The following PHACTR3 variants were observed in gnomAD, a reference collection of about 807,000 sequenced individuals.
PHACTR3 encodes protein phosphatase 1, regulatory subunit 123.
A neutral mutation model predicts 66.8 loss-of-function variants in PHACTR3; 16 were observed. The observed-to-expected ratio is 0.24, with a 90% CI of 0.16 to 0.36. PHACTR3 has a LOEUF of 0.36. Among genes scored for constraint, PHACTR3 ranks in the 10% least tolerant of loss-of-function variants. The probability of loss-of-function intolerance (pLI) is 1.00; values close to 1 mark genes in which losing one functional copy is unlikely to be tolerated. For synonymous variants in PHACTR3, 323 were observed against 292.1 expected, an observed-to-expected ratio of 1.11 and a Z score of -1.08; for missense variants, 647 against 719.9, an observed-to-expected ratio of 0.90 and a Z score of 1.16.
chr20:59,669,991 C>G (rs1481343204), intron 1 of PHACTR3, among the ~76,000 whole-genome samples: 1 of 152,210 alleles, frequency 6.6e-6, no homozygotes, highest in African/African-American at 2.4e-5. Context: ...ATTCATCTCT[C>G]TATGTGCCCA....
chr20:59,617,963 T>C (rs376940875), intron 1 of PHACTR3, among the ~76,000 whole-genome samples: 63 of 152,318 alleles, frequency 4.1e-4, no homozygotes, highest in African/African-American at 1.4e-3. Context: ...CATCAGCTCA[T>C]AGGCGAATGC....
At position 59,824,300 on chromosome 20, in the gene PHACTR3, T is replaced by C. The variant is rs543326180; in HGVS notation, c.1329-12205T>C. 3.9e-5 allele frequency among the ~76,000 whole-genome samples: 6 copies of C among 152,348 alleles called. No individual in the cohort carries two copies. The South Asian group carries it at 8.3e-4, about 21-fold the overall frequency. ...AGATTCAAGGTTGGCAGAAAGCTCA[T>C]GAGCAGATGTAAGATTGCACTCAGT... On this transcript the variant is annotated intron_variant, in intron 8 of 12. Transcript: ENST00000371015.
intron 1 of PHACTR3, among the ~76,000 whole-genome samples, chr20:59,591,647 G>C: frequency 6.6e-6 from 1 of 151,872 alleles, no homozygotes; most frequent in East Asian, 1.9e-4. Context: ...CTCATGGCTG[G>C]TCTCACCCGT....
intron 1 of PHACTR3, among the ~76,000 whole-genome samples, chr20:59,715,650 C>T (rs964085661): frequency 1.3e-5 from 2 of 152,172 alleles, no homozygotes; most frequent in Admixed American, 1.3e-4. Context: ...TTGATTCCCT[C>T]ATGTTTTTTA....
At chr20:59,784,226 A>G (rs942323776) in intron 7 of PHACTR3, among the ~76,000 whole-genome samples, 1 of 152,118 alleles carries the variant, frequency 6.6e-6, no homozygotes, top group Non-Finnish European at 1.5e-5. Flanking sequence ...CAAATCCAGG[A>G]CTGTACAGCC....
chr20:59,709,856 G>C (rs1451418465), intron 1 of PHACTR3, among the ~76,000 whole-genome samples: 1 of 152,024 alleles, frequency 6.6e-6, no homozygotes, highest in Non-Finnish European at 1.5e-5. Flanking sequence ...TCAGAGTCTC[G>C]GTGCCTTCCT....
Position 59,655,299 on chromosome 20 carries a change from A to G in PHACTR3, c.118+50167A>G, listed in dbSNP as rs73140872. On this transcript the variant is annotated intron_variant, in intron 1 of 12. Coordinates refer to ENST00000371015, the MANE Select transcript of PHACTR3 (RefSeq NM_080672.5). ...ATATAGCTTTATTGAGATACAATTC[A>G]CATACTATACACTTCACACTTTTGA... Among the ~76,000 whole-genome samples the G allele has an allele frequency of 1.8e-3, 281 of 152,156 alleles. 1 individual carries two copies. Among genetic ancestry groups the G allele is most frequent in the Admixed American group, 3.1e-3 (48 of 15,288 alleles).
At chr20:59,644,731 T>C (rs2035224979) in intron 1 of PHACTR3, among the ~76,000 whole-genome samples, 5 of 152,150 alleles carry the variant, frequency 3.3e-5, no homozygotes, top group Admixed American at 3.3e-4. Context: ...TCCTGGGGGC[T>C]CTCCCTGCAC....
intron 1 of PHACTR3, among the ~76,000 whole-genome samples, chr20:59,622,067 CAT>C (rs984763046): frequency 5.3e-5 from 8 of 151,582 alleles, no homozygotes; most frequent in Non-Finnish European, 8.8e-5. Flanking sequence ...TGTGTTTGTG[CAT>C]ATATATATGT....
At chr20:59,644,762 G>A (rs1183045648) in intron 1 of PHACTR3, among the ~76,000 whole-genome samples, 3 of 152,164 alleles carry the variant, frequency 2.0e-5, no homozygotes. Context: ...GTTCTCTGTC[G>A]CTTCTCCTGC....
At chr20:59,683,670 T>C (rs139604185) in intron 1 of PHACTR3, among the ~76,000 whole-genome samples, 281 of 152,324 alleles carry the variant, frequency 1.8e-3, no homozygotes, top group African/African-American at 6.4e-3. Context: ...GAGGGTCTTA[T>C]GTATTATCCA....
intron 1 of PHACTR3, among the ~76,000 whole-genome samples, chr20:59,678,400 G>A (rs2036525516): frequency 6.6e-6 from 1 of 152,154 alleles, no homozygotes; most frequent in South Asian, 2.1e-4. Flanking sequence ...CACACGCTTT[G>A]CACCGTGGAG....
chr20:59,698,596 G>A (rs1191802152), intron 1 of PHACTR3, among the ~76,000 whole-genome samples: 2 of 152,230 alleles, frequency 1.3e-5, no homozygotes, highest in African/African-American at 4.8e-5. Flanking sequence ...CAAAGAAATT[G>A]GAGAAATAAT....
intron 10 of PHACTR3, 25 bp downstream of exon 10, chr20:59,840,455 A>C: frequency 6.2e-7 from 1 of 1,612,104 alleles, no homozygotes; most frequent in Non-Finnish European, 8.5e-7. Context: ...TTATTGCCTG[A>C]ATAATAAAAG....
chr20:59,659,777 C>T (rs539342632), intron 1 of PHACTR3, among the ~76,000 whole-genome samples: 1 of 152,240 alleles, frequency 6.6e-6, no homozygotes, highest in South Asian at 2.1e-4. Flanking sequence ...AGGCTCTGAG[C>T]ACTGAGTGGT....
chr20:59,680,701 G>A (rs375875661), intron 1 of PHACTR3, among the ~76,000 whole-genome samples: 5 of 152,052 alleles, frequency 3.3e-5, no homozygotes, highest in South Asian at 4.1e-4. Context: ...TAGTGTTAGC[G>A]TATTTTATGT....
At chr20:59,813,021 A>G (rs1278988235) in intron 8 of PHACTR3, among the ~76,000 whole-genome samples, 1 of 152,208 alleles carries the variant, frequency 6.6e-6, no homozygotes, top group Non-Finnish European at 1.5e-5. Flanking sequence ...CCTTGTGGAC[A>G]GGGCCGGGAA....
intron 1 of PHACTR3, among the ~76,000 whole-genome samples, chr20:59,716,719 T>A (rs1292641603): frequency 1.3e-5 from 2 of 152,242 alleles, no homozygotes; most frequent in Non-Finnish European, 2.9e-5. Flanking sequence ...TATGATTATT[T>A]TTGTTTTAAT....
chr20:59,740,064 G>T (rs1011171371), intron 1 of PHACTR3, among the ~76,000 whole-genome samples: 1 of 152,090 alleles, frequency 6.6e-6, no homozygotes, highest in Non-Finnish European at 1.5e-5. Flanking sequence ...AATGCCTTAG[G>T]ATAGTCCTGG....
Sources: gnomAD v4.1 joint callset for allele counts (sites outside exome capture counted in the v4.1 genomes callset) on GRCh38, gnomAD v4.1.1 for gene constraint, MANE v1.5 for transcripts, NCBI Gene and HGNC (gene_info 2026-07-23, HGNC 2026-07-21) for gene names.